Variants in SELENOO observed in about 807,000 individuals in gnomAD.
SELENOO encodes selenoprotein O.
In SELENOO, 74 loss-of-function variants were observed where a neutral mutation model predicts 58.7. That is an observed-to-expected ratio of 1.26 (90% CI 1.04 to 1.53). The LOEUF is 1.53. Among genes scored for constraint, SELENOO ranks in the 40% most tolerant of loss-of-function variants. The pLI is 0.00. For synonymous variants in SELENOO, 543 were observed against 453.2 expected, an observed-to-expected ratio of 1.20 and a Z score of -2.52; for missense variants, 1,149 against 970.0, an observed-to-expected ratio of 1.18 and a Z score of -2.45.
At chr22:50,212,155 T>G (rs1029171036) in intron 5 of SELENOO, among the ~76,000 whole-genome samples, 1 of 152,218 alleles carries the variant, frequency 6.6e-6, no homozygotes, top group Non-Finnish European at 1.5e-5. Flanking sequence ...TCAGAGTGAG[T>G]TAGGAGGTAT....
rs575434324 is a variant in SELENOO, at chr22:50,201,917, C to T, written c.554+327C>T. ...AGCCTTCCTCCGATCGCTCGTGGGG[C>T]GGGCCGCTTCGTCCAGCAGCCTCGC... On this transcript the variant is annotated intron_variant, in intron 1 of 8. Transcript: ENST00000380903. Among the ~76,000 whole-genome samples the T allele has an allele frequency of 8.5e-5, 13 of 152,370 alleles. No homozygotes were observed. The South Asian group carries it at 1.4e-3, about 17-fold the overall frequency.
rs1344079467 is a variant in SELENOO at position 50,210,724 on chromosome 22, G to A, written c.1164G>A (p.Lys388=). The A allele has an allele frequency of 6.2e-7, 1 of 1,613,362 alleles. No homozygotes were observed. Among genetic ancestry groups the A allele is most frequent in the Admixed American group, 1.7e-5 (1 of 60,002 alleles). The change falls in exon 5 of 9, where the codon AAG becomes AAA. Residue 388 remains lysine (K), a synonymous_variant. Coordinates refer to ENST00000380903, the MANE Select transcript of SELENOO (RefSeq NM_031454.2). Reference sequence around the variant, plus strand: ...AGGTGTGCAGGTGGAACCTGCGGAAGCTGGCCGAGGCCCTGCAGCCGGAAC... The same window carrying A: ...AGGTGTGCAGGTGGAACCTGCGGAAACTGGCCGAGGCCCTGCAGCCGGAAC... The part of the protein sequence containing the change: ...QPEVCRWNLR[K]LAEALQPELP...
At position 50,217,030 on chromosome 22, in the gene SELENOO, C is replaced by G. The variant is rs776868831; in HGVS notation, c.1747C>G (p.His583Asp). The stretch of plus-strand genomic sequence containing the variant: ...GGACGCTGCCGCCTGGCAGGCTGAG[C>G]ACGTGCGCGTGATGCACGCCAACAA... ...AGDAAAWQAE[H>D]VRVMHANNPK... Residue 583 changes from histidine (H) to aspartate (D), a missense_variant, in exon 8 of 9, where the codon CAC becomes GAC. Physicochemically the swap from His to Asp is moderately conservative, Grantham distance 81. Transcript: ENST00000380903. 3 of 1,612,074 alleles carry G rather than the reference C, an allele frequency of 1.9e-6. No homozygotes were observed. The East Asian group carries it at 6.7e-5, about 36-fold the overall frequency.
At chr22:50,207,514 C>T (rs2064340430) in intron 2 of SELENOO, among the ~76,000 whole-genome samples, 1 of 151,884 alleles carries the variant, frequency 6.6e-6, no homozygotes, top group African/African-American at 2.4e-5. Context: ...GGTCTTGCAG[C>T]CCCGTCCTGC....
Position 50,217,479 on chromosome 22 carries a change from C to T in SELENOO, c.*110C>T. On this transcript the variant is annotated 3_prime_UTR_variant, in exon 9 of 9. Coordinates refer to ENST00000380903, the MANE Select transcript of SELENOO (RefSeq NM_031454.2). The stretch of plus-strand genomic sequence containing the variant: ...TACACTGGGGGATTCTGCCCTGGCC[C>T]ATGCACACCCGTCTTTCCATGATGG... The T allele has an allele frequency of 6.9e-6, 9 of 1,308,926 alleles. No homozygotes were observed. The highest frequency in any genetic ancestry group is 9.5e-6 in the Non-Finnish European group (9 of 950,302). The allele number at this position is 1,308,926 out of a possible 1,614,324, so 81.1% of individuals were successfully genotyped here.
chr22:50,205,044 C>T (rs1185656962), intron 1 of SELENOO, among the ~76,000 whole-genome samples: 1 of 116,948 alleles, frequency 8.6e-6, no homozygotes, highest in East Asian at 2.4e-4. Flanking sequence ...GAGCCACATT[C>T]ATAGAGACAA....
chr22:50,217,156 C>T, intron 8 of SELENOO, 28 bp downstream of exon 8: 1 of 1,611,184 alleles, frequency 6.2e-7, no homozygotes, highest in Non-Finnish European at 8.5e-7. Flanking sequence ...CCTGTGGTCC[C>T]TGGGAGGGGG....
chr22:50,206,483 T>C lies in SELENOO; in HGVS notation c.721T>C (p.Cys241Arg). The C allele has an allele frequency of 6.2e-7, 1 of 1,614,152 alleles. No homozygotes were observed. The highest frequency in any genetic ancestry group is 8.5e-7 in the Non-Finnish European group (1 of 1,180,026). The change falls in exon 2 of 9, where the codon TGC becomes CGC. Residue 241 changes from cysteine to arginine, a missense_variant. Cys to Arg is a radical substitution (Grantham distance 180). Coordinates refer to ENST00000380903, the MANE Select transcript of SELENOO (RefSeq NM_031454.2). ...TGATGGTAATCCCAAATATGAACAA[T>C]GCACGGTTGTGTTGCGTGTAGCTTC... is the stretch of plus-strand genomic sequence containing the variant. ...FYDGNPKYEQ[C>R]TVVLRVASTF... is the part of the protein sequence containing the mutation.
chr22:50,210,610 C>T (rs1439452305), intron 4 of SELENOO, 21 bp from the exon 5 acceptor site: 3 of 1,612,754 alleles, frequency 1.9e-6, no homozygotes, highest in Non-Finnish European at 1.7e-6. Context: ...CAGGGCGTGG[C>T]TCTCTTGCCC....
At position 50,207,424 on chromosome 22, in the gene SELENOO, C is replaced by T. The variant is rs191014432; in HGVS notation, c.758+904C>T. ...TAGGCCTGAGCCACCGCGCCCGGCC[C>T]CCAGCCATCAGTTTTTGATGTCACC... On this transcript the variant is annotated intron_variant, in intron 2 of 8. Transcript: ENST00000380903. Among the ~76,000 whole-genome samples the T allele has an allele frequency of 8.2e-4, 124 of 152,106 alleles. 1 individual carries two copies. Among genetic ancestry groups the T allele is most frequent in the African/African-American group, 2.9e-3 (120 of 41,526 alleles).
At position 50,207,918 on chromosome 22, in the gene SELENOO, G is replaced by C. The variant is rs2272849; in HGVS notation, c.759-618G>C. On this transcript the variant is annotated intron_variant, in intron 2 of 8. Coordinates refer to ENST00000380903, the MANE Select transcript of SELENOO (RefSeq NM_031454.2). ...GTAAGACCTGCCGAAAACACTCCTC[G>C]TGGGGTTGGGGTGGGAGTGCAGGGG... Among the ~76,000 whole-genome samples the C allele has an allele frequency of 1.3e-4, 19 of 147,712 alleles. No homozygotes were observed. In the East Asian group the frequency reaches 3.9e-3, roughly 31 times the overall value.
rs1468753093 is a variant in SELENOO at position 50,217,120 on chromosome 22, T to G, written c.1837T>G (p.Phe613Val). The G allele has an allele frequency of 4.3e-6, 7 of 1,612,704 alleles. No homozygotes were observed. The highest frequency in any genetic ancestry group is 2.7e-5 in the African/African-American group (2 of 74,924). The part of the protein sequence containing the change: ...NAIEAAERGD[F>V]SEVRRVLKLL... ...CATCGAGGCTGCCGAGCGCGGGGAC[T>G]TCTCAGAGGCAAGCACACGCCTGTC... The change falls in exon 8 of 9, where the codon TTC (phenylalanine) becomes GTC (valine). Residue 613 changes from phenylalanine (F) to valine (V), a missense_variant. Physicochemically the swap from Phe to Val is conservative, Grantham distance 50. Transcript: ENST00000380903.
At position 50,210,217 on chromosome 22, in the gene SELENOO, C is replaced by T. The variant is rs1310535033; in HGVS notation, c.976C>T (p.Gln326Ter). The T allele has an allele frequency of 6.2e-7, 1 of 1,613,402 alleles. No individual in the cohort carries two copies. Among genetic ancestry groups the T allele is most frequent in the Non-Finnish European group, 8.5e-7 (1 of 1,179,968 alleles). ...CACGGCGCGGATGGTGGCCGAGTGG[C>T]AGTGTGTGGGCTTCTGCCACGGCGT... ...RRTARMVAEWQCVGFCHGVLN... is the reference protein window; with the variant it reads ...RRTARMVAEW Residue 326 changes from glutamine to a stop codon, truncating the protein, a stop_gained, in exon 4 of 9, where the codon CAG (glutamine) becomes TAG (stop). Coordinates refer to ENST00000380903, the MANE Select transcript of SELENOO (RefSeq NM_031454.2). LOFTEE classifies it high-confidence loss of function.
chr22:50,208,873 T>C (rs2064350082), intron 3 of SELENOO, 157 bp downstream of exon 3: 1 of 682,834 alleles, frequency 1.5e-6, no homozygotes, highest in Non-Finnish European at 2.4e-6. Flanking sequence ...CCATCATGTG[T>C]GCTCGGGCCC....
Position 50,201,032 on chromosome 22 carries a change from C to G in SELENOO, c.-5C>G, listed in dbSNP as rs555926409. ...GGCTGGCTTCCGGCGGGAGCGGGGC[C>G]GCGGATGGCCGTATACAGGGCAGCG... On this transcript the variant is annotated 5_prime_UTR_variant, in exon 1 of 9. Transcript: ENST00000380903. The G allele has an allele frequency of 2.4e-6, 3 of 1,261,302 alleles. No homozygotes were observed. The highest frequency in any genetic ancestry group is 3.2e-5 in the African/African-American group (2 of 62,856). 78.1% of individuals were successfully genotyped at this position (1,261,302 alleles called of 1,614,324 possible).
chr22:50,211,008 A>G lies in SELENOO; in HGVS notation c.1351+97A>G. On this transcript the variant is annotated intron_variant, in intron 5 of 8. Transcript: ENST00000380903. ...GCTTCCAGGTTCCAAGTGCACAGTC[A>G]CTCCCTGGGCCCACCCCAGCCCTGG... is the stretch of plus-strand genomic sequence containing the variant. The G allele has an allele frequency of 7.3e-6, 10 of 1,368,540 alleles. No homozygotes were observed. The South Asian group carries it at 1.2e-4, about 17-fold the overall frequency. 84.8% of individuals were successfully genotyped at this position (1,368,540 alleles called of 1,614,324 possible).
chr22:50,214,737 C>G (rs1440546080), intron 5 of SELENOO, among the ~76,000 whole-genome samples: 1 of 152,244 alleles, frequency 6.6e-6, no homozygotes, highest in Non-Finnish European at 1.5e-5. Flanking sequence ...TGCACTCCAG[C>G]CCCGGCAACA....
At position 50,201,604 on chromosome 22, in the gene SELENOO, G is replaced by C; in HGVS notation, c.554+14G>C. On this transcript the variant is annotated intron_variant, in intron 1 of 8. Coordinates refer to ENST00000380903, the MANE Select transcript of SELENOO (RefSeq NM_031454.2). ...GCCCTTCTCCAGGTGGGCCGGGGCG[G>C]GCGAGGGGCGCGGGTGGGTCCTCCC... 2 of 1,264,298 alleles carry C rather than the reference G, an allele frequency of 1.6e-6. No homozygotes were observed. Among genetic ancestry groups the C allele is most frequent in the Non-Finnish European group, 2.0e-6 (2 of 1,002,154 alleles). The allele number at this position is 1,264,298 out of a possible 1,614,324, so 78.3% of individuals were successfully genotyped here. A position where few individuals can be genotyped will look rare whatever the true frequency, so the allele number is the denominator to read the frequency against.
chr22:50,215,871 G>C lies in SELENOO; in HGVS notation c.1502+4G>C. ...TCCGGCCCCAGATGGATCCCCGGTG[G>C]GTACTCAGTTCCTACTTCTTTGGAT... On this transcript the variant is annotated splice_donor_region_variant and intron_variant, in intron 6 of 8. Coordinates refer to ENST00000380903, the MANE Select transcript of SELENOO (RefSeq NM_031454.2). 6.3e-7 allele frequency: 1 copy of C among 1,597,502 alleles called. No individual in the cohort carries two copies. The highest frequency in any genetic ancestry group is 8.6e-7 in the Non-Finnish European group (1 of 1,169,468).
Sources: gnomAD v4.1 joint callset for allele counts (sites outside exome capture counted in the v4.1 genomes callset) on GRCh38, gnomAD v4.1.1 for gene constraint, MANE v1.5 for transcripts, NCBI Gene and HGNC (gene_info 2026-07-23, HGNC 2026-07-21) for gene names.